The following TBC1D22A variants were observed in gnomAD, a reference collection of about 807,000 sequenced individuals.
TBC1D22A encodes the protein putative GTPase activator.
A neutral mutation model predicts 60.2 loss-of-function variants in TBC1D22A; 38 were observed. The ratio of observed to expected loss-of-function variants is 0.63; its 90% CI spans 0.49 to 0.83. TBC1D22A has a LOEUF of 0.83. Ranked by LOEUF, TBC1D22A falls within the 40% of genes least tolerant of loss-of-function variation. The pLI, the probability that TBC1D22A is intolerant of heterozygous loss-of-function variation, is 0.00. For missense variants in TBC1D22A, 628 were observed against 701.0 expected (o/e 0.90, Z 1.18); for synonymous variants, 302 against 281.7 (o/e 1.07, Z -0.72).
chr22:46,944,759 G>A (rs753270678), intron 8 of TBC1D22A, among the ~76,000 whole-genome samples: 7 of 152,128 alleles, frequency 4.6e-5, no homozygotes, highest in Non-Finnish European at 8.8e-5. Context: ...ATTATAACTT[G>A]AGTGGAATTG....
chr22:47,152,768 GAA>G (rs1226878505), intron 12 of TBC1D22A, among the ~76,000 whole-genome samples: 4 of 152,240 alleles, frequency 2.6e-5, no homozygotes, highest in African/African-American at 9.6e-5. Context: ...CTCTGAGAGA[GAA>G]AGCATCGGCC....
At chr22:47,037,690 A>T (rs1458766181) in intron 11 of TBC1D22A, among the ~76,000 whole-genome samples, 1 of 152,198 alleles carries the variant, frequency 6.6e-6, no homozygotes. Flanking sequence ...ATCTGAGAAG[A>T]TGTAAAACAG....
rs543130278 is a variant in TBC1D22A at position 46,932,048 on chromosome 22, C to T, written c.1015+19860C>T. ...AGGAATGCCTTATTCTGATGTTACG[C>T]GGTTTCTTTCCTGGCTCATGCATGC... is the stretch of plus-strand genomic sequence containing the variant. On this transcript the variant is annotated intron_variant, in intron 8 of 12. Transcript: ENST00000337137. Among the ~76,000 whole-genome samples the T allele has an allele frequency of 2.3e-3, 355 of 152,302 alleles. 1 individual carries two copies. Among genetic ancestry groups the T allele is most frequent in the African/African-American group, 8.0e-3 (334 of 41,566 alleles).
intron 12 of TBC1D22A, among the ~76,000 whole-genome samples, chr22:47,136,009 G>T (rs528768134): frequency 6.6e-6 from 1 of 152,232 alleles, no homozygotes; most frequent in South Asian, 2.1e-4. Context: ...CTAGTTGCTC[G>T]GGTAGGAGTT....
intron 8 of TBC1D22A, among the ~76,000 whole-genome samples, chr22:46,921,989 T>G (rs949995616): frequency 3.3e-5 from 5 of 152,220 alleles, no homozygotes; most frequent in African/African-American, 1.2e-4. Context: ...GAGTGGTATT[T>G]CCTTACATTA....
In TBC1D22A at chr22:46,853,520, G is replaced by T. The variant is rs148952635; in HGVS notation, c.638-25133G>T. ...TCCTCCAGCCTCCAATAGAGGATCAGCGTGAGGGAGTGAGGGCTTCACGTC... is the reference window on the plus strand; with the variant it reads ...TCCTCCAGCCTCCAATAGAGGATCATCGTGAGGGAGTGAGGGCTTCACGTC... On this transcript the variant is annotated intron_variant, in intron 4 of 12. Transcript: ENST00000337137. 6.2e-4 allele frequency among the ~76,000 whole-genome samples: 94 copies of T among 152,292 alleles called. 2 individuals carry two copies. The East Asian group carries it at 0.015, about 25-fold the overall frequency.
intron 4 of TBC1D22A, among the ~76,000 whole-genome samples, chr22:46,828,941 A>G (rs113596901): frequency 6.5e-4 from 99 of 152,302 alleles, no homozygotes; most frequent in African/African-American, 2.2e-3. Context: ...GGCAGGTTCT[A>G]TATTGTCTGT....
chr22:46,875,207 T>C (rs1311115660), intron 4 of TBC1D22A, among the ~76,000 whole-genome samples: 3 of 152,240 alleles, frequency 2.0e-5, no homozygotes, highest in Admixed American at 6.5e-5. Context: ...TAGAATACTT[T>C]TACTGCTTGT....
intron 4 of TBC1D22A, among the ~76,000 whole-genome samples, chr22:46,863,579 C>T (rs2066912407): frequency 6.6e-6 from 1 of 152,150 alleles, no homozygotes; most frequent in Non-Finnish European, 1.5e-5. Context: ...TTAACCTTGT[C>T]ATTTGATGCA....
At chr22:46,911,912 C>A (rs1362266763) in intron 7 of TBC1D22A, among the ~76,000 whole-genome samples, 162 bp from the exon 8 acceptor site, 6 of 109,784 alleles carry the variant, frequency 5.5e-5, no homozygotes, top group African/African-American at 2.0e-4. Flanking sequence ...GAGTAAGACC[C>A]TGTCTCAAAA....
chr22:47,156,166 C>T (rs2067710872), intron 12 of TBC1D22A, among the ~76,000 whole-genome samples: 4 of 152,198 alleles, frequency 2.6e-5, no homozygotes, highest in Admixed American at 2.0e-4. Flanking sequence ...AACCCATACC[C>T]CATGGTTTCA....
intron 12 of TBC1D22A, among the ~76,000 whole-genome samples, chr22:47,129,348 G>T (rs745574167): frequency 6.6e-6 from 1 of 152,172 alleles, no homozygotes; most frequent in African/African-American, 2.4e-5. Context: ...GTGGTAGCAC[G>T]TGCCTGTAAT....
chr22:47,130,137 G>C (rs979730159), intron 12 of TBC1D22A, among the ~76,000 whole-genome samples: 2 of 152,214 alleles, frequency 1.3e-5, no homozygotes, highest in South Asian at 2.1e-4. Context: ...GGGACAGCAT[G>C]TCACTTTCCT....
intron 8 of TBC1D22A, among the ~76,000 whole-genome samples, chr22:46,922,634 A>G (rs1274568964): frequency 2.6e-5 from 4 of 152,172 alleles, no homozygotes; most frequent in South Asian, 4.1e-4. Flanking sequence ...TTCTCATTGT[A>G]GAGATCTTAT....
intron 5 of TBC1D22A, among the ~76,000 whole-genome samples, chr22:46,886,529 C>T (rs986719159): frequency 3.9e-5 from 6 of 152,238 alleles, no homozygotes; most frequent in African/African-American, 1.2e-4. Context: ...AATCACGCAT[C>T]GTGAACCTTG....
At chr22:47,136,999 C>G (rs2066899391) in intron 12 of TBC1D22A, among the ~76,000 whole-genome samples, 1 of 152,118 alleles carries the variant, frequency 6.6e-6, no homozygotes, top group South Asian at 2.1e-4. Flanking sequence ...CAAACCTGGT[C>G]CCGGGCCCTG....
chr22:46,790,545 G>GT (rs373094554), intron 1 of TBC1D22A, among the ~76,000 whole-genome samples: 32 of 151,554 alleles, frequency 2.1e-4, no homozygotes, highest in Middle Eastern at 3.4e-3. Flanking sequence ...TGTTTACAAG[G>GT]TTTTTTTTTA....
intron 8 of TBC1D22A, among the ~76,000 whole-genome samples, chr22:46,940,550 ATGTG>A (rs1256969897): frequency 6.9e-6 from 1 of 145,476 alleles, no homozygotes; most frequent in Non-Finnish European, 1.5e-5. Flanking sequence ...ATATATATGT[ATGTG>A]TATGTATACA....
intron 4 of TBC1D22A, among the ~76,000 whole-genome samples, chr22:46,827,516 T>TG (rs2086122798): frequency 6.6e-6 from 1 of 152,306 alleles, no homozygotes; most frequent in South Asian, 2.1e-4. Flanking sequence ...CTTTTGAACA[T>TG]GCGTGTACCA....
Sources: allele counts gnomAD v4.1 joint callset (sites outside exome capture counted in the v4.1 genomes callset), GRCh38; gene constraint gnomAD v4.1.1; transcripts MANE v1.5; gene names NCBI Gene and HGNC (gene_info 2026-07-23, HGNC 2026-07-21).